Variants in FAM227A observed in about 807,000 individuals in gnomAD.
FAM227A encodes the protein protein FAM227A.
In FAM227A, 80 loss-of-function variants were observed where a neutral mutation model predicts 74.7. The observed-to-expected ratio is 1.07, with a 90% CI of 0.89 to 1.29. The LOEUF (loss-of-function observed/expected upper bound fraction) is 1.29. Ranked by LOEUF, FAM227A falls within the 50% of genes most tolerant of loss-of-function variation. The pLI is 0.00. For missense variants in FAM227A, 654 were observed against 683.4 expected (o/e 0.96, Z 0.48); for synonymous variants, 237 against 241.8 (o/e 0.98, Z 0.19).
intron 15 of FAM227A, among the ~76,000 whole-genome samples, chr22:38,594,580 C>T (rs574033228): frequency 6.6e-6 from 1 of 152,254 alleles, no homozygotes; most frequent in South Asian, 2.1e-4. Context: ...AACATTAATG[C>T]TGAACTGCAT....
chr22:38,636,074 AGAAAG>A (rs1480053743), intron 6 of FAM227A, among the ~76,000 whole-genome samples: 1 of 150,136 alleles, frequency 6.7e-6, no homozygotes, highest in Non-Finnish European at 1.5e-5. Flanking sequence ...GAAAGAAAAA[AGAAAG>A]GAAGGAAGGA....
Position 38,597,264 on chromosome 22 carries a change from T to C in FAM227A, c.1472A>G (p.His491Arg), listed in dbSNP as rs985651617. 9 of 1,552,218 alleles carry C rather than the reference T, an allele frequency of 5.8e-6. No homozygotes were observed. Among genetic ancestry groups the C allele is most frequent in the Non-Finnish European group, 7.8e-6 (9 of 1,147,092 alleles). Residue 491 changes from histidine to arginine, a missense_variant, in exon 15 of 17, where the codon CAT (histidine) becomes CGT (arginine). Transcript: ENST00000535113. ...GTCAAAATAATTCCATTCAGTCCAATGATGCTGGTACAACTGATTGAGGTT... is the reference window on the plus strand; with the variant it reads ...GTCAAAATAATTCCATTCAGTCCAACGATGCTGGTACAACTGATTGAGGTT... ...KDNLNQLYQH[H>R]WTEWNYFDKH...
intron 10 of FAM227A, among the ~76,000 whole-genome samples, chr22:38,621,383 CAAG>C (rs2091687874): frequency 7.5e-6 from 1 of 133,894 alleles, no homozygotes; most frequent in African/African-American, 2.8e-5. Context: ...GAAAAGAAAA[CAAG>C]AAAAAAAAAA....
At chr22:38,651,283 T>A (rs1023321718) in intron 1 of FAM227A, among the ~76,000 whole-genome samples, 1 of 152,226 alleles carries the variant, frequency 6.6e-6, no homozygotes, top group Non-Finnish European at 1.5e-5. Flanking sequence ...CTCACAATAG[T>A]GAACTGGAAT....
intron 15 of FAM227A, among the ~76,000 whole-genome samples, chr22:38,593,951 CA>C (rs2090992673): frequency 6.6e-6 from 1 of 152,204 alleles, no homozygotes; most frequent in African/African-American, 2.4e-5. Flanking sequence ...CTCGGCCTCC[CA>C]AAGTGCTGGG....
At chr22:38,613,515 AT>A (rs1287176486) in intron 11 of FAM227A, among the ~76,000 whole-genome samples, 1 of 142,080 alleles carries the variant, frequency 7.0e-6, no homozygotes, top group African/African-American at 2.6e-5. Context: ...TAGCTATCTC[AT>A]CATCTTCCCA....
intron 6 of FAM227A, among the ~76,000 whole-genome samples, chr22:38,635,238 A>C (rs2145642185): frequency 6.6e-6 from 1 of 151,506 alleles, no homozygotes; most frequent in African/African-American, 2.4e-5. Context: ...CAAAAAAAAA[A>C]AAAAAAAAAA....
chr22:38,607,731 A>T lies in FAM227A; in HGVS notation c.1039-255T>A, dbSNP rs557982407. On this transcript the variant is annotated intron_variant, in intron 11 of 16. Transcript: ENST00000535113. ...GGTTCCAGTCCCAATTCTCTCACTC[A>T]ACAGCCAGTGATCTGGGGCAAGTCA... Among the ~76,000 whole-genome samples, 35 of 152,296 alleles carry T rather than the reference A, an allele frequency of 2.3e-4. 1 individual carries two copies. The highest frequency in any genetic ancestry group is 6.8e-3 in the Middle Eastern group (2 of 294).
intron 11 of FAM227A, among the ~76,000 whole-genome samples, chr22:38,613,151 T>TATA (rs1160034224): frequency 1.3e-4 from 12 of 91,018 alleles, no homozygotes; most frequent in African/African-American, 5.7e-4. Flanking sequence ...ATATATTATA[T>TATA]ATTATATATC....
intron 11 of FAM227A, among the ~76,000 whole-genome samples, chr22:38,619,869 A>G (rs1004471665): frequency 6.6e-6 from 1 of 152,196 alleles, no homozygotes; most frequent in East Asian, 1.9e-4. Flanking sequence ...GAAAGTACGT[A>G]TCAGGGATGA....
chr22:38,636,971 C>CTGTTTGG (rs2092021297), intron 5 of FAM227A, among the ~76,000 whole-genome samples: 1 of 151,894 alleles, frequency 6.6e-6, no homozygotes, highest in Non-Finnish European at 1.5e-5. Flanking sequence ...AGGGTTTCTA[C>CTGTTTGG]TAAAAACTGT....
chr22:38,627,549 C>T (rs2091834445), intron 8 of FAM227A, among the ~76,000 whole-genome samples: 1 of 151,716 alleles, frequency 6.6e-6, no homozygotes, highest in African/African-American at 2.4e-5. Flanking sequence ...GCCTGGGCGA[C>T]AGAGTGAGAC....
At chr22:38,597,511 A>G in intron 14 of FAM227A, 155 bp from the exon 15 acceptor site, 2 of 771,560 alleles carry the variant, frequency 2.6e-6, no homozygotes, top group Non-Finnish European at 4.4e-6. Flanking sequence ...AATCTGAGCA[A>G]GAGATGACTC....
At chr22:38,655,503 G>A (rs1235136125) in intron 1 of FAM227A, among the ~76,000 whole-genome samples, 2 of 151,528 alleles carry the variant, frequency 1.3e-5, no homozygotes, top group African/African-American at 4.9e-5. Flanking sequence ...GCAACAGAGT[G>A]AGACTCTGTC....
At chr22:38,641,328 T>C (rs557823053) in intron 3 of FAM227A, among the ~76,000 whole-genome samples, 2 of 152,216 alleles carry the variant, frequency 1.3e-5, no homozygotes, top group East Asian at 1.9e-4. Context: ...GCCTTTGCAT[T>C]AGAGATGCTT....
intron 10 of FAM227A, among the ~76,000 whole-genome samples, chr22:38,620,604 C>A (rs1050635826): frequency 2.6e-5 from 4 of 151,492 alleles, no homozygotes; most frequent in African/African-American, 9.7e-5. Flanking sequence ...GAGATCGAGA[C>A]CATCCTGGCT....
At chr22:38,638,935 A>G (rs970949152) in intron 4 of FAM227A, 113 bp from the exon 5 acceptor site, 3 of 642,358 alleles carry the variant, frequency 4.7e-6, no homozygotes, top group Non-Finnish European at 8.0e-6. Flanking sequence ...GGACACTCCT[A>G]CTACTAGTCT....
chr22:38,641,411 G>A (rs1056569608), intron 3 of FAM227A, among the ~76,000 whole-genome samples: 1 of 152,004 alleles, frequency 6.6e-6, no homozygotes, highest in African/African-American at 2.4e-5. Flanking sequence ...AATTAGCCGG[G>A]CGTGGTGGCA....
At chr22:38,590,279 C>CAA (rs71197120) in intron 16 of FAM227A, among the ~76,000 whole-genome samples, 334 of 56,418 alleles carry the variant, frequency 5.9e-3, no homozygotes, top group Non-Finnish European at 6.5e-3. Flanking sequence ...GACTCCATCT[C>CAA]AAAAAAAAAA....
Sources: gnomAD v4.1 joint callset for allele counts (sites outside exome capture counted in the v4.1 genomes callset) on GRCh38, gnomAD v4.1.1 for gene constraint, MANE v1.5 for transcripts, NCBI Gene and HGNC (gene_info 2026-07-23, HGNC 2026-07-21) for gene names.